The following GARRE1 variants were observed in gnomAD, a reference collection of about 807,000 sequenced individuals.
The protein encoded by GARRE1 is granule associated Rac and RHOG effector protein 1.
GARRE1 carries 49 observed loss-of-function variants against 103.2 expected under a neutral mutation model. The observed-to-expected ratio is 0.47, with a 90% CI of 0.38 to 0.60. The LOEUF (loss-of-function observed/expected upper bound fraction) is 0.60, where lower values mean the gene tolerates loss of function less well. Ranked by LOEUF, GARRE1 falls within the 20% of genes least tolerant of loss-of-function variation. GARRE1 has a pLI of 0.00. For synonymous variants in GARRE1, 505 were observed against 532.8 expected (o/e 0.95, Z 0.72); for missense variants, 1,199 against 1,370.5 (o/e 0.87, Z 1.98).
At chr19:34,304,322 C>T (rs1382553518) in intron 2 of GARRE1, among the ~76,000 whole-genome samples, 3 of 147,490 alleles carry the variant, frequency 2.0e-5, no homozygotes, top group African/African-American at 7.8e-5. Context: ...AACTCATGGC[C>T]TCAAAATGCT....
intron 8 of GARRE1, among the ~76,000 whole-genome samples, chr19:34,339,355 T>A (rs1486328706): frequency 1.3e-5 from 2 of 152,192 alleles, no homozygotes; most frequent in Non-Finnish European, 2.9e-5. Flanking sequence ...AGGTTTATTA[T>A]AAAGGATATT....
chr19:34,291,898 C>T (rs910457663), intron 1 of GARRE1, among the ~76,000 whole-genome samples: 7 of 150,494 alleles, frequency 4.7e-5, no homozygotes, highest in Non-Finnish European at 7.4e-5. Flanking sequence ...CTCACTCTCT[C>T]GCCCAGGCTG....
chr19:34,351,361 C>G (rs2074235886), intron 12 of GARRE1, among the ~76,000 whole-genome samples, 153 bp from the exon 13 acceptor site: 1 of 152,142 alleles, frequency 6.6e-6, no homozygotes, highest in Non-Finnish European at 1.5e-5. Flanking sequence ...TGCTGGCTCC[C>G]CTTAGCCGCC....
At chr19:34,273,036 C>T (rs552751953) in intron 1 of GARRE1, among the ~76,000 whole-genome samples, 4 of 152,188 alleles carry the variant, frequency 2.6e-5, no homozygotes, top group African/African-American at 9.6e-5. Context: ...AAAACTGTCT[C>T]GACTAAAAAC....
At chr19:34,261,763 A>G (rs2073719964) in intron 1 of GARRE1, among the ~76,000 whole-genome samples, 1 of 152,124 alleles carries the variant, frequency 6.6e-6, no homozygotes, top group African/African-American at 2.4e-5. Context: ...GGGAAATGAC[A>G]TTGGAAAGTG....
rs370423286 is a variant in GARRE1, at chr19:34,272,061, T to G, written c.-796+17447T>G. Among the ~76,000 whole-genome samples the G allele has an allele frequency of 2.6e-5, 4 of 152,196 alleles. No individual in the cohort carries two copies. The East Asian group carries it at 7.7e-4, about 29-fold the overall frequency. On this transcript the variant is annotated intron_variant, in intron 1 of 13. Transcript: ENST00000299505. ...AGCAGTTGCTGTAGAAGAGGCACTG[T>G]GGTGAACAGGATTGACAGGATTGAA...
chr19:34,260,212 C>G (rs1239904847), intron 1 of GARRE1, among the ~76,000 whole-genome samples: 3 of 152,222 alleles, frequency 2.0e-5, no homozygotes, highest in African/African-American at 7.2e-5. Flanking sequence ...AAGTTTACCA[C>G]TTGCTGAAGA....
chr19:34,335,810 G>A (rs553413425), intron 8 of GARRE1, among the ~76,000 whole-genome samples: 3 of 152,156 alleles, frequency 2.0e-5, no homozygotes, highest in Non-Finnish European at 4.4e-5. Context: ...ACAGGCGTGA[G>A]TCACCGCGCC....
chr19:34,300,496 A>G lies in GARRE1; in HGVS notation c.23A>G (p.Asp8Gly). 2 of 1,606,034 alleles carry G rather than the reference A, an allele frequency of 1.2e-6. No individual in the cohort carries two copies. Among genetic ancestry groups the G allele is most frequent in the Non-Finnish European group, 1.7e-6 (2 of 1,175,280 alleles). MYCCSAQ[D>G]SKMDYKRRFL... is the part of the protein sequence containing the mutation. ...CGCATGTATTGCTGCAGTGCCCAGGACAGTAAAATGGACTACAAGCGGCGC... is the reference window on the plus strand; with the variant it reads ...CGCATGTATTGCTGCAGTGCCCAGGGCAGTAAAATGGACTACAAGCGGCGC... The change falls in exon 2 of 14, where the codon GAC (aspartate) becomes GGC (glycine). Residue 8 changes from aspartate (D) to glycine (G), a missense_variant. By Grantham distance (94) the Asp-to-Gly change is moderately conservative. Transcript: ENST00000299505.
intron 1 of GARRE1, among the ~76,000 whole-genome samples, chr19:34,270,173 C>T (rs2073778158): frequency 6.6e-6 from 1 of 152,252 alleles, no homozygotes; most frequent in African/African-American, 2.4e-5. Flanking sequence ...CGGCTCCTGG[C>T]TGGCTGCTGC....
chr19:34,271,585 G>A (rs1480007060), intron 1 of GARRE1, among the ~76,000 whole-genome samples: 1 of 152,128 alleles, frequency 6.6e-6, no homozygotes, highest in Non-Finnish European at 1.5e-5. Context: ...TAGGAGCTGG[G>A]CGCGGTGGCT....
intron 1 of GARRE1, among the ~76,000 whole-genome samples, chr19:34,291,706 C>T (rs1045649598): frequency 3.3e-5 from 5 of 152,202 alleles, no homozygotes; most frequent in African/African-American, 9.6e-5. Context: ...ACAGGTCTCA[C>T]GTCTATACAC....
Position 34,308,238 on chromosome 19 carries a change from CTTTTTTTTTT to C in GARRE1, c.495+7283_495+7292del, listed in dbSNP as rs753284001. On this transcript the variant is annotated intron_variant, in intron 2 of 13. Transcript: ENST00000299505. The stretch of plus-strand genomic sequence containing the variant: ...ATGGAATTGAATGTGCATCCTGTTC[CTTTTTTTTTT>C]TTTTTTTTTTTTGCCCTAAAGGTAA... 1.0e-4 allele frequency among the ~76,000 whole-genome samples: 10 copies of C among 99,502 alleles called. No homozygotes were observed. In the East Asian group the frequency reaches 1.1e-3, roughly 11 times the overall value. 65.3% of individuals were successfully genotyped at this position (99,502 alleles called of 152,430 possible). A position where few individuals can be genotyped will look rare whatever the true frequency, so the allele number is the denominator to read the frequency against.
At chr19:34,325,421 AC>A (rs1293753332) in intron 3 of GARRE1, among the ~76,000 whole-genome samples, 1 of 151,864 alleles carries the variant, frequency 6.6e-6, no homozygotes, top group Non-Finnish European at 1.5e-5. Flanking sequence ...TCCTCCCTAG[AC>A]CCTCTCTATG....
chr19:34,328,126 C>A lies in GARRE1; in HGVS notation c.1079C>A (p.Ala360Asp). The A allele has an allele frequency of 1.2e-6, 2 of 1,613,992 alleles. No individual in the cohort carries two copies. The highest frequency in any genetic ancestry group is 1.3e-5 in the African/African-American group (1 of 75,036). Residue 360 changes from alanine to aspartate, a missense_variant, in exon 6 of 14, where the codon GCC becomes GAC. Ala to Asp is a moderately radical substitution (Grantham distance 126). Transcript: ENST00000299505. ...FLKGVSFNES[A>D]ADNLKLKTHT... ...AAGGGCGTCTCCTTTAATGAGTCGGCCGCCGACAATCTGAAACTTAAGACG... is the reference window on the plus strand; with the variant it reads ...AAGGGCGTCTCCTTTAATGAGTCGGACGCCGACAATCTGAAACTTAAGACG...
intron 1 of GARRE1, among the ~76,000 whole-genome samples, chr19:34,293,455 G>A (rs558198493): frequency 1.3e-5 from 2 of 151,458 alleles, no homozygotes; most frequent in South Asian, 2.1e-4. Flanking sequence ...GAGTGCAGTG[G>A]TGTGATCATG....
intron 2 of GARRE1, among the ~76,000 whole-genome samples, chr19:34,309,836 A>C (rs2074028678): frequency 1.3e-5 from 2 of 152,200 alleles, no homozygotes; most frequent in South Asian, 4.1e-4. Context: ...TCTAACAGAA[A>C]GGGGAGCATT....
chr19:34,302,090 A>C (rs1207941446), intron 2 of GARRE1, among the ~76,000 whole-genome samples: 1 of 143,576 alleles, frequency 7.0e-6, no homozygotes, highest in Non-Finnish European at 1.5e-5. Flanking sequence ...TCCCGAGTTC[A>C]AGTGATTCTT....
chr19:34,281,926 T>C (rs2073856490), intron 1 of GARRE1, among the ~76,000 whole-genome samples: 1 of 152,224 alleles, frequency 6.6e-6, no homozygotes, highest in African/African-American at 2.4e-5. Flanking sequence ...TCCTTGTCTT[T>C]GTTCTTCTCT....
Sources: gnomAD v4.1 joint callset for allele counts (sites outside exome capture counted in the v4.1 genomes callset) on GRCh38, gnomAD v4.1.1 for gene constraint, MANE v1.5 for transcripts, NCBI Gene and HGNC (gene_info 2026-07-23, HGNC 2026-07-21) for gene names.